PTK6: variants seen among roughly 807,000 people sequenced by gnomAD.
The protein encoded by PTK6 is protein-tyrosine kinase 6.
PTK6 carries 47 observed loss-of-function variants against 47.5 expected under a neutral mutation model. The observed-to-expected ratio is 0.99, with a 90% CI of 0.78 to 1.26. The LOEUF (loss-of-function observed/expected upper bound fraction) is 1.26, where lower values mean the gene tolerates loss of function less well. Ranked by LOEUF, PTK6 falls within the 50% of genes most tolerant of loss-of-function variation. PTK6 has a pLI of 0.00. For missense variants in PTK6, 618 were observed against 625.3 expected, an observed-to-expected ratio of 0.99 and a Z score of 0.12; for synonymous variants, 287 against 276.5, an observed-to-expected ratio of 1.04 and a Z score of -0.38.
At chr20:63,536,580 C>G (rs2082669633) in intron 1 of PTK6, among the ~76,000 whole-genome samples, 1 of 152,052 alleles carries the variant, frequency 6.6e-6, no homozygotes, top group Non-Finnish European at 1.5e-5. Context: ...CAGCTGCTGT[C>G]TGGTTCCCCG....
rs2082655402 is a variant in PTK6, at chr20:63,535,209, G to C, written c.231-150C>G. 2.4e-6 allele frequency: 3 copies of C among 1,228,242 alleles called. No homozygotes were observed. In the South Asian group the frequency reaches 5.0e-5, roughly 21 times the overall value. The allele number at this position is 1,228,242 out of a possible 1,614,324, so 76.1% of individuals were successfully genotyped here. On this transcript the variant is annotated intron_variant, in intron 1 of 7. Transcript: ENST00000542869. ...ACCACAGCTGCTCTCAGGAGCTGTCGCTGACCCAGACGCCCTGAATGTCCC... is the reference window on the plus strand; with the variant it reads ...ACCACAGCTGCTCTCAGGAGCTGTCCCTGACCCAGACGCCCTGAATGTCCC...
In PTK6 at chr20:63,532,347, A is replaced by C. The variant is rs1172092265; in HGVS notation, c.832+179T>G. 2.0e-4 allele frequency among the ~76,000 whole-genome samples: 24 copies of C among 120,334 alleles called. No homozygotes were observed. In the Admixed American group the frequency reaches 2.0e-3, roughly 10 times the overall value. 78.9% of individuals were successfully genotyped at this position (120,334 alleles called of 152,430 possible). On this transcript the variant is annotated intron_variant, in intron 5 of 7. Transcript: ENST00000542869. The stretch of plus-strand genomic sequence containing the variant: ...TATGTCTGTGTGCATGTGTGTGTGC[A>C]TGTGTGTCTGTGCGTGTGTGTCTCT...
intron 5 of PTK6, among the ~76,000 whole-genome samples, chr20:63,531,460 ATAT>A (rs1569010595): frequency 0.018 from 2,059 of 115,466 alleles, 206 homozygotes; most frequent in East Asian, 0.062. Context: ...ATATATATAT[ATAT>A]AATTAGCTGG....
In PTK6 at chr20:63,529,875, A is replaced by AGAGGAGC. The variant is rs1442173042; in HGVS notation, c.1169-153_1169-152insGCTCCTC. The AGAGGAGC allele has an allele frequency of 2.1e-5, 23 of 1,095,814 alleles. No individual in the cohort carries two copies. In the Admixed American group the frequency reaches 6.2e-4, roughly 29 times the overall value. The allele number at this position is 1,095,814 out of a possible 1,614,324, so 67.9% of individuals were successfully genotyped here. A position where few individuals can be genotyped will look rare whatever the true frequency, so the allele number is the denominator to read the frequency against. ...ACCCAGCACACTGTCCACTGCTAAC[A>AGAGGAGC]CCTCCCTCTGGACAGGGCTCCAACA... On this transcript the variant is annotated intron_variant, in intron 7 of 7. Coordinates refer to ENST00000542869, the MANE Select transcript of PTK6 (RefSeq NM_005975.4). This position sits in a 1 kb window ranked among gnomAD's most constrained non-coding sequence, Gnocchi z 5.6.
Position 63,530,957 on chromosome 20 carries a change from G to A in PTK6, c.833-30C>T. On this transcript the variant is annotated intron_variant, in intron 5 of 7. Coordinates refer to ENST00000542869, the MANE Select transcript of PTK6 (RefSeq NM_005975.4). This position sits in a 1 kb window ranked among gnomAD's most constrained non-coding sequence, Gnocchi z 4.1. ...AGAGGGGAGTGGAGCAGAGCCTGGGGTCAGCTGAGCCAGCTGAGGTGGGGA... is the reference window on the plus strand; with the variant it reads ...AGAGGGGAGTGGAGCAGAGCCTGGGATCAGCTGAGCCAGCTGAGGTGGGGA... 2 of 1,552,710 alleles carry A rather than the reference G, an allele frequency of 1.3e-6. No homozygotes were observed. Among genetic ancestry groups the A allele is most frequent in the Non-Finnish European group, 8.7e-7 (1 of 1,149,658 alleles).
In PTK6 at chr20:63,530,056, T is replaced by C. The variant is rs1043462511; in HGVS notation, c.1168+22A>G. 64 of 1,612,466 alleles carry C rather than the reference T, an allele frequency of 4.0e-5. No individual in the cohort carries two copies. Among genetic ancestry groups the C allele is most frequent in the Non-Finnish European group, 5.4e-5 (64 of 1,179,468 alleles). Reference sequence around the variant, plus strand: ...CCCCCACTCTGCCTCTCATGCCCAGTCAGGGACAGTGGGGACAGTACCTGG... The same window carrying C: ...CCCCCACTCTGCCTCTCATGCCCAGCCAGGGACAGTGGGGACAGTACCTGG... On this transcript the variant is annotated intron_variant, in intron 7 of 7. Coordinates refer to ENST00000542869, the MANE Select transcript of PTK6 (RefSeq NM_005975.4). The surrounding 1 kb of genome is among the most constrained non-coding windows in gnomAD (Gnocchi z 4.1).
chr20:63,532,725 A>AC (rs1569011768), intron 4 of PTK6, 38 bp from the exon 5 acceptor site: 5 of 1,598,568 alleles, frequency 3.1e-6, no homozygotes, highest in Admixed American at 3.4e-5. Flanking sequence ...GCAGCCCCTG[A>AC]CCCCCCAGGC....
chr20:63,534,108 C>A, intron 3 of PTK6, 44 bp downstream of exon 3: 1 of 1,495,998 alleles, frequency 6.7e-7, no homozygotes, highest in South Asian at 1.3e-5. Flanking sequence ...GCCTGTGACC[C>A]CCCAGCCTGA....
In PTK6 at chr20:63,537,181, C is replaced by A; in HGVS notation, c.134G>T (p.Trp45Leu). The A allele has an allele frequency of 6.2e-7, 1 of 1,612,406 alleles. No homozygotes were observed. The highest frequency in any genetic ancestry group is 8.5e-7 in the Non-Finnish European group (1 of 1,179,820). The change falls in exon 1 of 8, where the codon TGG becomes TTG. Residue 45 changes from tryptophan (W) to leucine (L), a missense_variant. By Grantham distance (61) the Trp-to-Leu change is moderately conservative. Transcript: ENST00000542869. ...CGCCTCGTCCAGCAGCGTGGCCCAC[C>A]ACCACTGCTCCTCCTTCCTGGCCAC... ...FHVARKEEQW[W>L]WATLLDEAGG...
chr20:63,531,259 A>C (rs1015549613), intron 5 of PTK6, among the ~76,000 whole-genome samples: 2 of 151,306 alleles, frequency 1.3e-5, no homozygotes, highest in African/African-American at 2.4e-5. Flanking sequence ...ATCTCTACTA[A>C]AAATACAAAA....
chr20:63,534,939 C>T lies in PTK6; in HGVS notation c.351G>A (p.Ser117=), dbSNP rs530621132. 42 of 1,599,190 alleles carry T rather than the reference C, an allele frequency of 2.6e-5. No homozygotes were observed. In the South Asian group the frequency reaches 3.3e-4, roughly 13 times the overall value. Residue 117 remains serine, a splice_region_variant and synonymous_variant, in exon 2 of 8, where the codon TCG becomes TCA. Transcript: ENST00000542869. ...SEKPSADYVL[S]VRDTQAVRHY... Reference sequence around the variant, plus strand: ...CAGGCTCGGAGGCCGGGGCCGCACCCGACAGGACGTAGTCGGCACTCGGCT... The same window carrying T: ...CAGGCTCGGAGGCCGGGGCCGCACCTGACAGGACGTAGTCGGCACTCGGCT...
At chr20:63,532,455 G>A in intron 5 of PTK6, 71 bp downstream of exon 5, 2 of 1,511,122 alleles carry the variant, frequency 1.3e-6, no homozygotes, top group East Asian at 2.3e-5. Context: ...AGACGTGGGG[G>A]GGGGGTGTGC....
In PTK6 at chr20:63,530,063, C is replaced by T; in HGVS notation, c.1168+15G>A. 2 of 1,613,138 alleles carry T rather than the reference C, an allele frequency of 1.2e-6. No homozygotes were observed. The highest frequency in any genetic ancestry group is 1.7e-6 in the Non-Finnish European group (2 of 1,179,738). ...TCTGCCTCTCATGCCCAGTCAGGGA[C>T]AGTGGGGACAGTACCTGGGTAGGGC... On this transcript the variant is annotated intron_variant, in intron 7 of 7. Coordinates refer to ENST00000542869, the MANE Select transcript of PTK6 (RefSeq NM_005975.4). The surrounding 1 kb of genome is among the most constrained non-coding windows in gnomAD (Gnocchi z 4.1).
rs2082639671 is a variant in PTK6, at chr20:63,533,275, C to T, written c.670+276G>A. ...TAGAGACGTGGTTTCCCCATGTTGG[C>T]CAGGCTGGTCTCAAACTCCTGACCT... On this transcript the variant is annotated intron_variant, in intron 4 of 7. Coordinates refer to ENST00000542869, the MANE Select transcript of PTK6 (RefSeq NM_005975.4). The surrounding 1 kb of genome is among the most constrained non-coding windows in gnomAD (Gnocchi z 4.0). 6.6e-6 allele frequency among the ~76,000 whole-genome samples: 1 copy of T among 152,158 alleles called. No homozygotes were observed. The highest frequency in any genetic ancestry group is 1.5e-5 in the Non-Finnish European group (1 of 68,028).
At chr20:63,536,799 AG>A (rs1372367538) in intron 1 of PTK6, among the ~76,000 whole-genome samples, 2 of 152,150 alleles carry the variant, frequency 1.3e-5, no homozygotes, top group African/African-American at 4.8e-5. Context: ...CCGGCAATGC[AG>A]CGTCCACCCC....
chr20:63,533,569 T>A lies in PTK6; in HGVS notation c.652A>T (p.Ile218Phe). ...GLWKDRVQVA[I>F]KVISRDNLLH... is the part of the protein sequence containing the mutation. ...CACTCACCTCGAGAAATCACCTTAA[T>A]GGCCACCTGGACCCGGTCTTTCCAG... The change falls in exon 4 of 8, where the codon ATT becomes TTT. Residue 218 changes from isoleucine (I) to phenylalanine (F), a missense_variant. Ile to Phe is a conservative substitution (Grantham distance 21). Transcript: ENST00000542869. The surrounding 1 kb of genome is among the most constrained non-coding windows in gnomAD (Gnocchi z 4.0). 2.5e-6 allele frequency: 4 copies of A among 1,612,186 alleles called. No homozygotes were observed. Among genetic ancestry groups the A allele is most frequent in the Non-Finnish European group, 3.4e-6 (4 of 1,179,066 alleles).
In PTK6 at chr20:63,535,005, C is replaced by G; in HGVS notation, c.285G>C (p.Glu95Asp). The change falls in exon 2 of 8, where the codon GAG becomes GAC. Residue 95 changes from glutamate to aspartate, a missense_variant. Physicochemically the swap from Glu to Asp is conservative, Grantham distance 45. Coordinates refer to ENST00000542869, the MANE Select transcript of PTK6 (RefSeq NM_005975.4). ...RSEAVRRLQA[E>D]GNATGAFLIR... The stretch of plus-strand genomic sequence containing the variant: ...TCAGGAAGGCGCCCGTGGCGTTGCC[C>G]TCGGCCTGCAGCCGACGCACAGCTT... The G allele has an allele frequency of 6.2e-7, 1 of 1,608,920 alleles. No individual in the cohort carries two copies. Among genetic ancestry groups the G allele is most frequent in the Non-Finnish European group, 8.5e-7 (1 of 1,177,682 alleles).
chr20:63,532,940 A>G (rs1468725452), intron 4 of PTK6, among the ~76,000 whole-genome samples: 1 of 152,254 alleles, frequency 6.6e-6, no homozygotes, highest in Non-Finnish European at 1.5e-5. Context: ...TGCCCGGCCC[A>G]GACCTCTGAC....
rs146949365 is a variant in PTK6, at chr20:63,535,036, C to G, written c.254G>C (p.Arg85Pro). The G allele has an allele frequency of 1.2e-6, 2 of 1,603,360 alleles. No individual in the cohort carries two copies. The highest frequency in any genetic ancestry group is 1.7e-5 in the Admixed American group (1 of 59,634). The stretch of plus-strand genomic sequence containing the variant: ...CTGCAGCCGACGCACAGCTTCCGAG[C>G]GGGAGATGCAGCCAAAGAACCACCT... ...SEPWFFGCIS[R>P]SEAVRRLQAE... is the part of the protein sequence containing the mutation. Residue 85 changes from arginine to proline, a missense_variant, in exon 2 of 8, where the codon CGC (arginine) becomes CCC (proline). By Grantham distance (103) the Arg-to-Pro change is moderately radical. Transcript: ENST00000542869.
Sources: allele counts gnomAD v4.1 joint callset (sites outside exome capture counted in the v4.1 genomes callset), GRCh38; gene constraint gnomAD v4.1.1; non-coding constraint Gnocchi (gnomAD v3.1); transcripts MANE v1.5; gene names NCBI Gene and HGNC (gene_info 2026-07-23, HGNC 2026-07-21).